Variants in BARHL2 observed in about 807,000 individuals in gnomAD.
BARHL2 encodes BarH like homeobox 2.
A neutral mutation model predicts 27.1 loss-of-function variants in BARHL2; 10 were observed. That is an observed-to-expected ratio of 0.37 (90% CI 0.23 to 0.63). The LOEUF (loss-of-function observed/expected upper bound fraction) is 0.63. Among genes scored for constraint, BARHL2 ranks in the 20% least tolerant of loss-of-function variants. BARHL2 has a pLI of 0.65. For missense variants in BARHL2, 483 were observed against 533.5 expected (o/e 0.91, Z 0.93); for synonymous variants, 248 against 224.7 (o/e 1.10, Z -0.93).
At chr1:90,712,936 A>G (rs1019545885) in intron 2 of BARHL2, among the ~76,000 whole-genome samples, 2 of 152,030 alleles carry the variant, frequency 1.3e-5, no homozygotes, top group African/African-American at 2.4e-5. Flanking sequence ...TAGTTTGGCT[A>G]CTTCTGGAAA....
At chr1:90,716,402 C>T (rs1658144498) in intron 1 of BARHL2, among the ~76,000 whole-genome samples, 169 bp downstream of exon 1, 1 of 152,188 alleles carries the variant, frequency 6.6e-6, no homozygotes, top group Non-Finnish European at 1.5e-5. Flanking sequence ...GAGGAGTCCC[C>T]ACATCGCACG....
rs1364447488 is a variant in BARHL2 at position 90,712,344 on chromosome 1, T to C, written c.1132A>G (p.Ser378Gly). The change falls in exon 3 of 3, where the codon AGC (serine) becomes GGC (glycine). Residue 378 changes from serine (S) to glycine (G), a missense_variant. Ser to Gly is a moderately conservative substitution (Grantham distance 56). Coordinates refer to ENST00000370445, the MANE Select transcript of BARHL2 (RefSeq NM_020063.2). ...GGGTGTGGGGTGCCTGGGATGGGGC[T>C]GGACAATGGATTAAGGGCTGGCTGT... ...GGQPALNPLSSPIPGTPHPR is the reference protein window; with the variant it reads ...GGQPALNPLSGPIPGTPHPR 5.9e-6 allele frequency: 9 copies of C among 1,519,076 alleles called. No homozygotes were observed. The Admixed American group carries it at 6.2e-5, about 11-fold the overall frequency. The allele number at this position is 1,519,076 out of a possible 1,614,324, so 94.1% of individuals were successfully genotyped here.
chr1:90,716,639 A>G lies in BARHL2; in HGVS notation c.557T>C (p.Leu186Pro). The change falls in exon 1 of 3, where the codon CTC becomes CCC. Residue 186 changes from leucine (L) to proline (P), a missense_variant. By Grantham distance (98) the Leu-to-Pro change is moderately conservative. Transcript: ENST00000370445. ...TTTGGTCTTGCTGTCCTCCTGCTCG[A>G]GCTTTGGCCTGAAGCTCTCGTGCAC... ...NAVHESFRPK[L>P]EQEDSKTKLD... 1 of 1,613,954 alleles carries G rather than the reference A, an allele frequency of 6.2e-7. No individual in the cohort carries two copies. Among genetic ancestry groups the G allele is most frequent in the Non-Finnish European group, 8.5e-7 (1 of 1,179,986 alleles).
At chr1:90,713,477 G>A (rs1267987313) in intron 2 of BARHL2, among the ~76,000 whole-genome samples, 1 of 152,172 alleles carries the variant, frequency 6.6e-6, no homozygotes, top group Admixed American at 6.5e-5. Context: ...ATCCATACCC[G>A]GCAGCTCCAG....
intron 2 of BARHL2, among the ~76,000 whole-genome samples, chr1:90,712,864 A>G (rs1159236474): frequency 6.6e-6 from 1 of 152,112 alleles, no homozygotes; most frequent in Admixed American, 6.5e-5. Flanking sequence ...GACCCTCACA[A>G]ATGAAATCCT....
intron 1 of BARHL2, among the ~76,000 whole-genome samples, chr1:90,715,594 T>C (rs1658127981): frequency 1.3e-5 from 2 of 152,108 alleles, no homozygotes; most frequent in African/African-American, 4.8e-5. Context: ...TGTACATCTG[T>C]TTTGGACACT....
chr1:90,712,679 C>T (rs1658061576), intron 2 of BARHL2, 55 bp from the exon 3 acceptor site: 2 of 1,503,720 alleles, frequency 1.3e-6, no homozygotes, highest in Non-Finnish European at 1.8e-6. Context: ...GTCCAGGCAC[C>T]AAGACCCGGC....
chr1:90,712,056 C>T lies in BARHL2; in HGVS notation c.*256G>A, dbSNP rs951847875. 2.7e-6 allele frequency: 1 copy of T among 371,868 alleles called. No individual in the cohort carries two copies. The highest frequency in any genetic ancestry group is 4.8e-6 in the Non-Finnish European group (1 of 209,448). 23.0% of individuals were successfully genotyped at this position (371,868 alleles called of 1,614,324 possible). Reference sequence around the variant, plus strand: ...TTACTGGTTGCACTCTGTGTGGGGTCAGCATTTTCACCAGTCACACTGCTG... The same window carrying T: ...TTACTGGTTGCACTCTGTGTGGGGTTAGCATTTTCACCAGTCACACTGCTG... On this transcript the variant is annotated 3_prime_UTR_variant, in exon 3 of 3. Coordinates refer to ENST00000370445, the MANE Select transcript of BARHL2 (RefSeq NM_020063.2).
intron 2 of BARHL2, among the ~76,000 whole-genome samples, chr1:90,713,113 A>G (rs1390373409): frequency 2.6e-5 from 4 of 151,848 alleles, no homozygotes. Flanking sequence ...GGATGCAGAG[A>G]CTCCTAAGCC....
Position 90,714,590 on chromosome 1 carries a change from G to T in BARHL2, c.792C>A (p.Asp264Glu). 6.2e-7 allele frequency: 1 copy of T among 1,614,222 alleles called. No homozygotes were observed. The highest frequency in any genetic ancestry group is 1.3e-5 in the African/African-American group (1 of 75,056). The stretch of plus-strand genomic sequence containing the variant: ...CAGTGAGGTTGAGCGCTGCAGCCAG[G>T]TCCATGCGATCCTGCACGCTCAGGT... Reference protein sequence around the residue: ...QKYLSVQDRMDLAAALNLTDT... With the variant: ...QKYLSVQDRMELAAALNLTDT... Residue 264 changes from aspartate (D) to glutamate (E), a missense_variant, in exon 2 of 3, where the codon GAC becomes GAA. Physicochemically the swap from Asp to Glu is conservative, Grantham distance 45. This residue lies in a region of BARHL2 where 49 missense variants were observed against 110.6 expected (regional missense o/e 0.44). Transcript: ENST00000370445.
chr1:90,714,474 T>C, intron 2 of BARHL2, 57 bp downstream of exon 2: 2 of 1,504,104 alleles, frequency 1.3e-6, no homozygotes, highest in East Asian at 2.3e-5. Flanking sequence ...AAGATTGGTA[T>C]AATGATCATG....
Position 90,712,194 on chromosome 1 carries a change from G to A in BARHL2, c.*118C>T. 8.8e-7 allele frequency: 1 copy of A among 1,132,068 alleles called. No homozygotes were observed. The highest frequency in any genetic ancestry group is 2.1e-5 in the South Asian group (1 of 47,536). 70.1% of individuals were successfully genotyped at this position (1,132,068 alleles called of 1,614,324 possible). On this transcript the variant is annotated 3_prime_UTR_variant, in exon 3 of 3. Transcript: ENST00000370445. ...AAGCATCTTCCTCTCTTACTCCTCT[G>A]CCTTCCAGAGTTGGCTGCAAGGGAG...
At chr1:90,713,108 C>T (rs1007128435) in intron 2 of BARHL2, among the ~76,000 whole-genome samples, 8 of 152,166 alleles carry the variant, frequency 5.3e-5, no homozygotes, top group Non-Finnish European at 1.2e-4. Flanking sequence ...CAAAGGGATG[C>T]AGAGACTCCT....
At position 90,714,578 on chromosome 1, in the gene BARHL2, C is replaced by T. The variant is rs187585491; in HGVS notation, c.804G>A (p.Ala268=). 13 of 1,614,082 alleles carry T rather than the reference C, an allele frequency of 8.1e-6. No homozygotes were observed. Among genetic ancestry groups the T allele is most frequent in the African/African-American group, 6.7e-5 (5 of 74,922 alleles). Residue 268 remains alanine, a synonymous_variant, in exon 2 of 3, where the codon GCG becomes GCA. Transcript: ENST00000370445. ...TGACTTGGGTGTCAGTGAGGTTGAG[C>T]GCTGCAGCCAGGTCCATGCGATCCT... The part of the protein sequence containing the change: ...SVQDRMDLAA[A]LNLTDTQVKT...
rs1197645052 is a variant in BARHL2, at chr1:90,716,993, A to C, written c.203T>G (p.Val68Gly). ...ATGCGGCTCCGGGGGCTCCATGGTG[A>C]CTGAGATAGGAGAAGAAGGCGCCGT... ...VGTAPSSPIS[V>G]TMEPPEPHLV... The change falls in exon 1 of 3, where the codon GTC becomes GGC. Residue 68 changes from valine to glycine, a missense_variant. Physicochemically the swap from Val to Gly is moderately radical, Grantham distance 109. Transcript: ENST00000370445. The C allele has an allele frequency of 1.2e-6, 2 of 1,613,682 alleles. No homozygotes were observed. Among genetic ancestry groups the C allele is most frequent in the South Asian group, 2.2e-5 (2 of 91,010 alleles).
chr1:90,713,655 C>T (rs566705663), intron 2 of BARHL2, among the ~76,000 whole-genome samples: 8 of 152,074 alleles, frequency 5.3e-5, no homozygotes, highest in African/African-American at 9.7e-5. Context: ...AGAACACAAA[C>T]GGGAGAAAAG....
At chr1:90,715,819 G>T (rs555950106) in intron 1 of BARHL2, among the ~76,000 whole-genome samples, 11 of 151,758 alleles carry the variant, frequency 7.2e-5, no homozygotes, top group African/African-American at 2.7e-4. Context: ...GGGAGTTGAA[G>T]GACAATTTCC....
chr1:90,716,385 G>C (rs1658144228), intron 1 of BARHL2, among the ~76,000 whole-genome samples, 186 bp downstream of exon 1: 1 of 152,166 alleles, frequency 6.6e-6, no homozygotes, highest in African/African-American at 2.4e-5. Flanking sequence ...ACAATAAACA[G>C]AACTTCGAGG....
Position 90,711,804 on chromosome 1 carries a change from G to A in BARHL2, c.*508C>T, listed in dbSNP as rs1328893866. Reference sequence around the variant, plus strand: ...AAAGGTCATGAGAAATCAGTGCAAAGTTCTCAGTTACCCTCCTCTTTTCTC... The same window carrying A: ...AAAGGTCATGAGAAATCAGTGCAAAATTCTCAGTTACCCTCCTCTTTTCTC... On this transcript the variant is annotated 3_prime_UTR_variant, in exon 3 of 3. Coordinates refer to ENST00000370445, the MANE Select transcript of BARHL2 (RefSeq NM_020063.2). 2 of 152,122 alleles carry A rather than the reference G, an allele frequency of 1.3e-5. No homozygotes were observed. Among genetic ancestry groups the A allele is most frequent in the South Asian group, 4.1e-4 (2 of 4,822 alleles). The allele number at this position is 152,122 out of a possible 1,614,324, so 9.4% of individuals were successfully genotyped here.
Sources: gnomAD v4.1 joint callset for allele counts (sites outside exome capture counted in the v4.1 genomes callset) on GRCh38, gnomAD v4.1.1 for gene constraint, gnomAD v4.1.1 regional missense constraint, MANE v1.5 for transcripts, NCBI Gene and HGNC (gene_info 2026-07-23, HGNC 2026-07-21) for gene names.